FASTKD2: variants seen among roughly 807,000 people sequenced by gnomAD.
The protein encoded by FASTKD2 is FAST kinase domain-containing protein 2, mitochondrial.
Under a neutral mutation model 63.6 loss-of-function variants are expected in FASTKD2, and 51 were observed. The ratio of observed to expected loss-of-function variants is 0.80; its 90% CI spans 0.64 to 1.01. The LOEUF is 1.01. Among genes scored for constraint, FASTKD2 ranks in the 50% least tolerant of loss-of-function variants. The pLI, the probability that FASTKD2 is intolerant of heterozygous loss-of-function variation, is 0.00. For missense variants in FASTKD2, 786 were observed against 831.1 expected, an observed-to-expected ratio of 0.95 and a Z score of 0.67; for synonymous variants, 284 against 293.4, an observed-to-expected ratio of 0.97 and a Z score of 0.33.
chr2:206,778,545 C>T (rs1314921896), intron 7 of FASTKD2, among the ~76,000 whole-genome samples: 1 of 152,104 alleles, frequency 6.6e-6, no homozygotes, highest in Non-Finnish European at 1.5e-5. Flanking sequence ...TCTGTTATGA[C>T]TTGTTTTGTG....
chr2:206,788,732 A>AG, intron 9 of FASTKD2, 87 bp from the exon 10 acceptor site: 1 of 127,390 alleles, frequency 7.8e-6, no homozygotes, highest in Non-Finnish European at 1.3e-5. Context: ...ACCACATCTC[A>AG]AAAAAAAAAA....
chr2:206,766,004 G>T (rs772829708), intron 1 of FASTKD2, among the ~76,000 whole-genome samples: 68 of 152,154 alleles, frequency 4.5e-4, no homozygotes, highest in Non-Finnish European at 9.0e-4. Context: ...GCCGGGCGCG[G>T]TGACTCACGC....
intron 6 of FASTKD2, 61 bp from the exon 7 acceptor site, chr2:206,774,164 A>C: frequency 8.2e-7 from 1 of 1,224,410 alleles, no homozygotes; most frequent in Non-Finnish European, 1.2e-6. Context: ...TGAGATCTAA[A>C]AAATTACTAT....
chr2:206,785,101 C>T (rs907274859), intron 7 of FASTKD2, among the ~76,000 whole-genome samples: 29 of 152,140 alleles, frequency 1.9e-4, no homozygotes, highest in Admixed American at 6.5e-5. Context: ...ACAAGAGAGA[C>T]AGCCAAGCAA....
chr2:206,767,380 T>TAA lies in FASTKD2; in HGVS notation c.688_689dup (p.Tyr231SerfsTer10). On this transcript the variant is annotated frameshift_variant, in exon 2 of 12. Transcript: ENST00000402774. LOFTEE classifies it high-confidence loss of function. ...TGAGAGAAGCCAAGATCATGCAGTA[T>TAA]AAGTACCTACTGTTCAGTCTTCACG... is the stretch of plus-strand genomic sequence containing the variant. The TAA allele has an allele frequency of 6.2e-7, 1 of 1,613,886 alleles. No homozygotes were observed. The highest frequency in any genetic ancestry group is 8.5e-7 in the Non-Finnish European group (1 of 1,179,930).
chr2:206,785,325 A>G (rs867162921), intron 7 of FASTKD2, among the ~76,000 whole-genome samples: 1 of 152,188 alleles, frequency 6.6e-6, no homozygotes, highest in African/African-American at 2.4e-5. Flanking sequence ...GGAAGGATAT[A>G]TCAGGATGCC....
chr2:206,775,029 G>C (rs1342193559), intron 7 of FASTKD2, among the ~76,000 whole-genome samples: 2 of 151,912 alleles, frequency 1.3e-5, no homozygotes, highest in Non-Finnish European at 2.9e-5. Context: ...GCTTATTTCA[G>C]TTAGCATAAT....
chr2:206,787,996 A>G lies in FASTKD2; in HGVS notation c.1654A>G (p.Thr552Ala). The change falls in exon 9 of 12, where the codon ACT becomes GCT. Residue 552 changes from threonine (T) to alanine (A), a missense_variant. Coordinates refer to ENST00000402774, the MANE Select transcript of FASTKD2 (RefSeq NM_001136193.2). The stretch of plus-strand genomic sequence containing the variant: ...GGATACTTGTCTAAAACTTGATGAT[A>G]CTGTCTATCTGAGGGACATAGCCTT... ...TLDTCLKLDD[T>A]VYLRDIALSL... is the part of the protein sequence containing the mutation. The G allele has an allele frequency of 6.2e-7, 1 of 1,613,744 alleles. No homozygotes were observed. The highest frequency in any genetic ancestry group is 8.5e-7 in the Non-Finnish European group (1 of 1,179,686).
intron 2 of FASTKD2, 99 bp from the exon 3 acceptor site, chr2:206,769,992 A>C: frequency 1.3e-6 from 1 of 778,964 alleles, no homozygotes; most frequent in Non-Finnish European, 2.3e-6. Flanking sequence ...TTGATACTCA[A>C]TCGTTTTATT....
rs1300495377 is a variant in FASTKD2 at position 206,795,425 on chromosome 2, G to C, written c.*3623G>C. On this transcript the variant is annotated 3_prime_UTR_variant, in exon 12 of 12. Coordinates refer to ENST00000402774, the MANE Select transcript of FASTKD2 (RefSeq NM_001136193.2). ...ATTTTTGTATTTTTAGCAGAAACAG[G>C]GTTTCACCATGTTAGCCAGGATGGT... Among the ~76,000 whole-genome samples, 2 of 152,156 alleles carry C rather than the reference G, an allele frequency of 1.3e-5. No individual in the cohort carries two copies. Among genetic ancestry groups the C allele is most frequent in the African/African-American group, 4.8e-5 (2 of 41,430 alleles).
At chr2:206,791,653 A>G (rs2105989938) in intron 11 of FASTKD2, 30 bp from the exon 12 acceptor site, 1 of 1,608,194 alleles carries the variant, frequency 6.2e-7, no homozygotes, top group Admixed American at 1.7e-5. Context: ...TCGTCTCACA[A>G]ACTGATTATT....
intron 1 of FASTKD2, among the ~76,000 whole-genome samples, chr2:206,766,195 G>C (rs1689449433): frequency 1.3e-5 from 2 of 148,630 alleles, no homozygotes; most frequent in African/African-American, 5.0e-5. Flanking sequence ...GGGAGGTGGA[G>C]GTTGCAGTGA....
chr2:206,793,993 T>A lies in FASTKD2; in HGVS notation c.*2191T>A, dbSNP rs933539902. ...AAGCTGTTGGTAGACTGTAAATTAA[T>A]ACCTTTCTGGAATGTACTTTGTGGG... On this transcript the variant is annotated 3_prime_UTR_variant, in exon 12 of 12. Coordinates refer to ENST00000402774, the MANE Select transcript of FASTKD2 (RefSeq NM_001136193.2). 1.1e-4 allele frequency among the ~76,000 whole-genome samples: 16 copies of A among 152,252 alleles called. No individual in the cohort carries two copies. Among genetic ancestry groups the A allele is most frequent in the African/African-American group, 3.9e-4 (16 of 41,474 alleles).
chr2:206,780,957 C>A (rs896113598), intron 7 of FASTKD2, among the ~76,000 whole-genome samples: 9 of 151,970 alleles, frequency 5.9e-5, no homozygotes. Context: ...CTGTTTAGTT[C>A]TTTCTATAGT....
chr2:206,769,878 A>T (rs1382076544), intron 2 of FASTKD2, among the ~76,000 whole-genome samples: 2 of 152,240 alleles, frequency 1.3e-5, no homozygotes, highest in African/African-American at 2.4e-5. Flanking sequence ...AAAAGTGTTG[A>T]TGCATAAAAG....
chr2:206,788,749 G>GGAAAA, intron 9 of FASTKD2, 70 bp from the exon 10 acceptor site: 1 of 718,894 alleles, frequency 1.4e-6, no homozygotes, highest in South Asian at 1.7e-5. Context: ...AAAAAAAAAA[G>GGAAAA]GAAAAGAAAA....
In FASTKD2 at chr2:206,770,174, T is replaced by C. The variant is rs942801251; in HGVS notation, c.861T>C (p.His287=). The C allele has an allele frequency of 1.9e-6, 3 of 1,607,784 alleles. No homozygotes were observed. Among genetic ancestry groups the C allele is most frequent in the Non-Finnish European group, 2.6e-6 (3 of 1,174,152 alleles). Reference sequence around the variant, plus strand: ...CAATGGAACCATGCAAGAATGTTCATGTTCTACGAACGGGATTCAGGTGAG... The same window carrying C: ...CAATGGAACCATGCAAGAATGTTCACGTTCTACGAACGGGATTCAGGTGAG... The part of the protein sequence containing the change: ...LEAMEPCKNV[H]VLRTGFRILV... Residue 287 remains histidine, a synonymous_variant, in exon 3 of 12, where the codon CAT becomes CAC. Coordinates refer to ENST00000402774, the MANE Select transcript of FASTKD2 (RefSeq NM_001136193.2).
rs1481290743 is a variant in FASTKD2 at position 206,792,270 on chromosome 2, G to C, written c.*468G>C. ...ACAAAGTTCTAAAGTTGTCAAGTGTGTAAGAATTAGTGAGGTAGCTGTTGA... is the reference window on the plus strand; with the variant it reads ...ACAAAGTTCTAAAGTTGTCAAGTGTCTAAGAATTAGTGAGGTAGCTGTTGA... On this transcript the variant is annotated 3_prime_UTR_variant, in exon 12 of 12. Transcript: ENST00000402774. 5.5e-6 allele frequency: 1 copy of C among 182,574 alleles called. No homozygotes were observed. The highest frequency in any genetic ancestry group is 5.4e-5 in the Admixed American group (1 of 18,388). 11.3% of individuals were successfully genotyped at this position (182,574 alleles called of 1,614,324 possible). A position where few individuals can be genotyped will look rare whatever the true frequency, so the allele number is the denominator to read the frequency against.
In FASTKD2 at chr2:206,795,644, A is replaced by C. The variant is rs925360269; in HGVS notation, c.*3842A>C. 3.9e-5 allele frequency among the ~76,000 whole-genome samples: 6 copies of C among 152,196 alleles called. No homozygotes were observed. The highest frequency in any genetic ancestry group is 2.6e-4 in the Admixed American group (4 of 15,276). On this transcript the variant is annotated 3_prime_UTR_variant, in exon 12 of 12. Transcript: ENST00000402774. ...GCCTACATTTCCCAGAGCCCCTTTC[A>C]GCTTGAATTCCAAATGTGACTTAGC...
Sources: gnomAD v4.1 joint callset for allele counts (sites outside exome capture counted in the v4.1 genomes callset) on GRCh38, gnomAD v4.1.1 for gene constraint, MANE v1.5 for transcripts, NCBI Gene and HGNC (gene_info 2026-07-23, HGNC 2026-07-21) for gene names.